The following PHLPP1 variants were observed in gnomAD, a reference collection of about 807,000 sequenced individuals.
PHLPP1 encodes the protein PH domain and leucine rich repeat protein phosphatase 1, also known as PH domain leucine-rich repeat-containing protein phosphatase 1.
In PHLPP1, 42 loss-of-function variants were observed where a neutral mutation model predicts 117.2. That is an observed-to-expected ratio of 0.36 (90% confidence interval 0.28 to 0.46). PHLPP1 has a LOEUF of 0.46. Ranked by LOEUF, PHLPP1 falls within the 20% of genes least tolerant of loss-of-function variation. PHLPP1 has a pLI of 1.00. For synonymous variants in PHLPP1, 1,042 were observed against 970.7 expected (o/e 1.07, Z -1.37); for missense variants, 2,084 against 2,241.9 (o/e 0.93, Z 1.42).
At chr18:62,970,596 C>A (rs772851045) in intron 14 of PHLPP1, among the ~76,000 whole-genome samples, 1 of 152,066 alleles carries the variant, frequency 6.6e-6, no homozygotes, top group Non-Finnish European at 1.5e-5. Context: ...GAAATGCTGT[C>A]TCTACAGAAA....
At chr18:62,941,941 C>T (rs760427853) in intron 11 of PHLPP1, 23 bp downstream of exon 11, 32 of 1,557,116 alleles carry the variant, frequency 2.1e-5, no homozygotes, top group Middle Eastern at 1.7e-4. Context: ...TGTAAAGCTG[C>T]GTTCTGAATT....
chr18:62,719,888 T>A (rs370062198), intron 1 of PHLPP1, among the ~76,000 whole-genome samples: 1 of 152,184 alleles, frequency 6.6e-6, no homozygotes, highest in African/African-American at 2.4e-5. Flanking sequence ...TTTTAGAGGC[T>A]TTGAAAGCCA....
At chr18:62,783,026 A>G (rs933242078) in intron 1 of PHLPP1, among the ~76,000 whole-genome samples, 4 of 140,674 alleles carry the variant, frequency 2.8e-5, no homozygotes, top group East Asian at 1.9e-4. Context: ...ATGAGAGTTT[A>G]TGAGAATCTT....
chr18:62,942,561 ATTTGT>A (rs1910159700), intron 11 of PHLPP1, among the ~76,000 whole-genome samples: 1 of 152,094 alleles, frequency 6.6e-6, no homozygotes, highest in African/African-American at 2.4e-5. Context: ...TCCATTTTTA[ATTTGT>A]TTTTACTTTA....
chr18:62,846,526 C>A (rs1915187272), intron 3 of PHLPP1, among the ~76,000 whole-genome samples: 1 of 151,298 alleles, frequency 6.6e-6, no homozygotes, highest in Non-Finnish European at 1.5e-5. Flanking sequence ...AAGATCATAT[C>A]ACACATGTCT....
intron 1 of PHLPP1, among the ~76,000 whole-genome samples, chr18:62,718,532 G>A (rs1910828145): frequency 6.6e-6 from 1 of 152,164 alleles, no homozygotes; most frequent in Non-Finnish European, 1.5e-5. Context: ...TGAAATTTAA[G>A]TGGATTTCTG....
chr18:62,918,205 CAAAAAAAAA>C (rs11317555), intron 9 of PHLPP1, among the ~76,000 whole-genome samples: 2 of 80,624 alleles, frequency 2.5e-5, no homozygotes, highest in Non-Finnish European at 4.8e-5. Context: ...GACTCTGTCT[CAAAAAAAAA>C]AAAAAAAAAA....
At chr18:62,827,481 C>G (rs1914641412) in intron 1 of PHLPP1, among the ~76,000 whole-genome samples, 1 of 152,088 alleles carries the variant, frequency 6.6e-6, no homozygotes. Flanking sequence ...GAGGGTGCAC[C>G]TGGGTGATTG....
chr18:62,759,925 C>T (rs1912159360), intron 1 of PHLPP1, among the ~76,000 whole-genome samples: 2 of 152,172 alleles, frequency 1.3e-5, no homozygotes, highest in South Asian at 4.1e-4. Flanking sequence ...CTAATTTCAT[C>T]TTGGCTTAAA....
chr18:62,879,529 C>T (rs960651041), intron 4 of PHLPP1, among the ~76,000 whole-genome samples: 4 of 151,982 alleles, frequency 2.6e-5, no homozygotes, highest in East Asian at 1.9e-4. Flanking sequence ...CTCCCACCTC[C>T]GCCTCCTGAG....
intron 1 of PHLPP1, among the ~76,000 whole-genome samples, chr18:62,766,345 T>A (rs1385603121): frequency 1.3e-5 from 2 of 151,496 alleles, no homozygotes; most frequent in African/African-American, 4.9e-5. Context: ...ACTGGGATAA[T>A]ACTCCTGGCC....
chr18:62,752,250 C>T (rs548690227), intron 1 of PHLPP1, among the ~76,000 whole-genome samples: 143 of 152,176 alleles, frequency 9.4e-4, no homozygotes, highest in African/African-American at 3.3e-3. Flanking sequence ...CCAGGCCCCC[C>T]GCGCCCCCAC....
chr18:62,807,141 T>C (rs1212639731), intron 1 of PHLPP1, among the ~76,000 whole-genome samples: 1 of 152,174 alleles, frequency 6.6e-6, no homozygotes, highest in Non-Finnish European at 1.5e-5. Flanking sequence ...TTTGGGATTA[T>C]TGCAATATGT....
intron 4 of PHLPP1, among the ~76,000 whole-genome samples, chr18:62,869,265 G>A (rs1380130853): frequency 6.6e-6 from 1 of 152,044 alleles, no homozygotes; most frequent in African/African-American, 2.4e-5. Flanking sequence ...ACTCTGGTTC[G>A]TTTTCTTCCA....
chr18:62,822,132 C>T (rs1202816659), intron 1 of PHLPP1, among the ~76,000 whole-genome samples: 1 of 152,004 alleles, frequency 6.6e-6, no homozygotes, highest in Non-Finnish European at 1.5e-5. Flanking sequence ...TCATAATCAT[C>T]TTAGTTGGTG....
At chr18:62,938,749 G>A (rs748553941) in intron 10 of PHLPP1, among the ~76,000 whole-genome samples, 34 of 152,274 alleles carry the variant, frequency 2.2e-4, no homozygotes, top group South Asian at 4.1e-4. Flanking sequence ...AAAAAGATGA[G>A]AGGATAAATC....
chr18:62,787,875 A>G (rs1329806626), intron 1 of PHLPP1, among the ~76,000 whole-genome samples: 6 of 152,200 alleles, frequency 3.9e-5, no homozygotes, highest in African/African-American at 1.2e-4. Context: ...TACTGAAGGA[A>G]TGGAGATGTG....
Position 62,716,005 on chromosome 18 carries a change from C to T in PHLPP1, c.322C>T (p.Pro108Ser), listed in dbSNP as rs2122037050. 2 of 1,378,868 alleles carry T rather than the reference C, an allele frequency of 1.5e-6. No homozygotes were observed. The highest frequency in any genetic ancestry group is 1.9e-6 in the Non-Finnish European group (2 of 1,075,356). 85.4% of individuals were successfully genotyped at this position (1,378,868 alleles called of 1,614,324 possible). A position where few individuals can be genotyped will look rare whatever the true frequency, so the allele number is the denominator to read the frequency against. Residue 108 changes from proline (P) to serine (S), a missense_variant, in exon 1 of 17, where the codon CCC becomes TCC. This residue lies in a region of PHLPP1 where 719 missense variants were observed against 636.0 expected (regional missense o/e 1.13). Transcript: ENST00000262719. This position sits in a 1 kb window ranked among gnomAD's most constrained non-coding sequence, Gnocchi z 5.7. ...CCAGCCCATTGCCGGCGGGGCTGCC[C>T]CCGTACCCGGGGCCGGCGGCGGCGC... ...APQPIAGGAAPVPGAGGGANS... is the reference protein window; with the variant it reads ...APQPIAGGAASVPGAGGGANS...
chr18:62,966,786 A>G (rs929304393), intron 14 of PHLPP1, among the ~76,000 whole-genome samples: 5 of 152,124 alleles, frequency 3.3e-5, no homozygotes, highest in Middle Eastern at 3.2e-3. Context: ...AAGTTTTGGT[A>G]AAAGAATATC....
Sources: allele counts gnomAD v4.1 joint callset (sites outside exome capture counted in the v4.1 genomes callset), GRCh38; gene constraint gnomAD v4.1.1; regional missense constraint gnomAD v4.1.1; non-coding constraint Gnocchi (gnomAD v3.1); transcripts MANE v1.5; gene names NCBI Gene and HGNC (gene_info 2026-07-23, HGNC 2026-07-21).